The following PPP1R12B variants were observed in gnomAD, a reference collection of about 807,000 sequenced individuals.
PPP1R12B encodes the protein protein phosphatase 1 regulatory subunit 12B, also known as myosin phosphatase target subunit 2.
PPP1R12B carries 76 observed loss-of-function variants against 126.1 expected under a neutral mutation model. That is an observed-to-expected ratio of 0.60 (90% CI 0.50 to 0.73). The LOEUF is 0.73. Among genes scored for constraint, PPP1R12B ranks in the 30% least tolerant of loss-of-function variants. The pLI is 0.00. For synonymous variants in PPP1R12B, 356 were observed against 434.7 expected, an observed-to-expected ratio of 0.82 and a Z score of 2.25; for missense variants, 1,052 against 1,205.1, an observed-to-expected ratio of 0.87 and a Z score of 1.88.
At chr1:202,477,547 C>T (rs771847350) in intron 13 of PPP1R12B, among the ~76,000 whole-genome samples, 8 of 152,080 alleles carry the variant, frequency 5.3e-5, no homozygotes, top group Non-Finnish European at 1.0e-4. Context: ...ATGTTTTGCA[C>T]AACTTCCTTT....
chr1:202,527,886 G>A (rs1683514851), intron 18 of PPP1R12B, among the ~76,000 whole-genome samples: 1 of 152,194 alleles, frequency 6.6e-6, no homozygotes. Flanking sequence ...AAGAATTGAG[G>A]CAAAGAAAAA....
chr1:202,467,766 AT>A (rs1221391404), intron 13 of PPP1R12B, among the ~76,000 whole-genome samples: 1 of 152,180 alleles, frequency 6.6e-6, no homozygotes, highest in African/African-American at 2.4e-5. Context: ...GTCAAATGGT[AT>A]TTCTAGTTCT....
At chr1:202,417,344 A>C (rs1232541003) in intron 2 of PPP1R12B, 2 of 985,232 alleles carry the variant, frequency 2.0e-6, no homozygotes, top group Admixed American at 1.2e-4. Flanking sequence ...CATACCAGTC[A>C]CAGCACTCGT....
rs554150302 is a variant in PPP1R12B, at chr1:202,443,151, C to T, written c.1667+579C>T. 179 of 968,840 alleles carry T rather than the reference C, an allele frequency of 1.8e-4. No individual in the cohort carries two copies. In the African/African-American group the frequency reaches 2.6e-3, roughly 14 times the overall value. The allele number at this position is 968,840 out of a possible 1,614,324, so 60.0% of individuals were successfully genotyped here. On this transcript the variant is annotated intron_variant, in intron 12 of 23. Transcript: ENST00000608999. ...AGGTACATGGGTTTCCTTCTTTTCT[C>T]ATCTGTATTCCCTTTTCTGCAATTA... is the stretch of plus-strand genomic sequence containing the variant.
At chr1:202,413,974 T>C (rs1234753688) in intron 1 of PPP1R12B, among the ~76,000 whole-genome samples, 4 of 152,024 alleles carry the variant, frequency 2.6e-5, no homozygotes, top group African/African-American at 9.7e-5. Flanking sequence ...CAGGCTGGAG[T>C]GCAGTGGTGC....
chr1:202,512,035 G>A (rs1681583000), intron 18 of PPP1R12B, among the ~76,000 whole-genome samples: 1 of 152,166 alleles, frequency 6.6e-6, no homozygotes, highest in African/African-American at 2.4e-5. Flanking sequence ...AGACATGGAA[G>A]TCATTGCTTT....
Position 202,495,337 on chromosome 1 carries a change from C to T in PPP1R12B, c.2190C>T (p.Pro730=). The T allele has an allele frequency of 6.3e-7, 1 of 1,594,678 alleles. No homozygotes were observed. The highest frequency in any genetic ancestry group is 8.5e-7 in the Non-Finnish European group (1 of 1,170,902). The change falls in exon 16 of 24, where the codon CCC becomes CCT. Residue 730 remains proline, a synonymous_variant. Coordinates refer to ENST00000608999, the MANE Select transcript of PPP1R12B (RefSeq NM_002481.4). ...GGTGCCCAGCTCAGCCAGACAAACC[C>T]ACCACGCCAGCATCTCCTTCTACGT... ...RLRCPAQPDK[P]TTPASPSTSR...
intron 1 of PPP1R12B, among the ~76,000 whole-genome samples, chr1:202,415,120 G>A (rs963915606): frequency 2.0e-5 from 3 of 152,064 alleles, no homozygotes; most frequent in African/African-American, 7.2e-5. Context: ...ACCTCAAAAT[G>A]CAGCAGAAGT....
chr1:202,351,994 C>A (rs1430466395), intron 1 of PPP1R12B, among the ~76,000 whole-genome samples: 1 of 152,164 alleles, frequency 6.6e-6, no homozygotes, highest in African/African-American at 2.4e-5. Context: ...TTGAGTTAGA[C>A]TGGGATAAGA....
chr1:202,510,790 T>C (rs1681379194), intron 18 of PPP1R12B, among the ~76,000 whole-genome samples: 1 of 151,086 alleles, frequency 6.6e-6, no homozygotes, highest in African/African-American at 2.4e-5. Flanking sequence ...CTCATAATAC[T>C]CACATTTTAT....
At chr1:202,498,626 A>G (rs1262950126) in intron 18 of PPP1R12B, among the ~76,000 whole-genome samples, 1 of 152,206 alleles carries the variant, frequency 6.6e-6, no homozygotes, top group East Asian at 1.9e-4. Flanking sequence ...ATATGGGCCT[A>G]CAGAGCCACA....
At chr1:202,392,410 C>G (rs1184169553) in intron 1 of PPP1R12B, among the ~76,000 whole-genome samples, 4 of 152,068 alleles carry the variant, frequency 2.6e-5, no homozygotes, top group Non-Finnish European at 4.4e-5. Context: ...ATTTGAAAGT[C>G]CAGAATAGGG....
At chr1:202,572,581 T>C (rs1294373809) in intron 23 of PPP1R12B, among the ~76,000 whole-genome samples, 1 of 152,182 alleles carries the variant, frequency 6.6e-6, no homozygotes, top group African/African-American at 2.4e-5. Context: ...ATATGCCAAC[T>C]TCTGACAGGT....
intron 13 of PPP1R12B, among the ~76,000 whole-genome samples, chr1:202,462,550 A>T (rs1435124370): frequency 6.6e-6 from 1 of 152,182 alleles, no homozygotes; most frequent in African/African-American, 2.4e-5. Flanking sequence ...CTTCAGAGTG[A>T]AGACAGTCAC....
chr1:202,427,818 G>C (rs941537434), intron 5 of PPP1R12B, among the ~76,000 whole-genome samples: 2 of 151,712 alleles, frequency 1.3e-5, no homozygotes, highest in African/African-American at 4.8e-5. Context: ...CTAATTTTTT[G>C]TATTTTTTTT....
intron 18 of PPP1R12B, among the ~76,000 whole-genome samples, chr1:202,548,943 ACCCTTCCCTG>A (rs1686013062): frequency 6.6e-6 from 1 of 151,280 alleles, no homozygotes; most frequent in Admixed American, 6.6e-5. Context: ...ATCTGAGGAG[ACCCTTCCCTG>A]CCAAAACCAA....
At chr1:202,439,236 C>T (rs1185423207) in intron 10 of PPP1R12B, 2 of 1,396,222 alleles carry the variant, frequency 1.4e-6, no homozygotes, top group African/African-American at 2.8e-5. Context: ...GGAGCACCAT[C>T]CAGACAATAT....
chr1:202,443,107 C>T (rs537282305), intron 12 of PPP1R12B: 13 of 983,766 alleles, frequency 1.3e-5, no homozygotes, highest in Non-Finnish European at 1.4e-5. Context: ...ATGTGAAACT[C>T]GCAAGTTTGG....
At chr1:202,353,710 A>G (rs1656495052) in intron 1 of PPP1R12B, among the ~76,000 whole-genome samples, 1 of 150,740 alleles carries the variant, frequency 6.6e-6, no homozygotes, top group Non-Finnish European at 1.5e-5. Flanking sequence ...CTCAGGCTCA[A>G]GTGATCCTCC....
Sources: allele counts gnomAD v4.1 joint callset (sites outside exome capture counted in the v4.1 genomes callset), GRCh38; gene constraint gnomAD v4.1.1; transcripts MANE v1.5; gene names NCBI Gene and HGNC (gene_info 2026-07-23, HGNC 2026-07-21).